Variants in CHRDL2 observed in about 807,000 individuals in gnomAD.
CHRDL2 encodes chordin like 2.
A neutral mutation model predicts 54.3 loss-of-function variants in CHRDL2; 41 were observed. The observed-to-expected ratio is 0.76, with a 90% confidence interval of 0.59 to 0.98. The LOEUF is 0.98. CHRDL2 is among the 50% of genes least tolerant of loss of function. The pLI is 0.00. For synonymous variants in CHRDL2, 220 were observed against 224.3 expected (o/e 0.98, Z 0.17); for missense variants, 518 against 562.4 (o/e 0.92, Z 0.80).
Position 74,708,448 on chromosome 11 carries a change from T to C in CHRDL2, c.433-53A>G, listed in dbSNP as rs375200272. On this transcript the variant is annotated intron_variant, in intron 4 of 10. Coordinates refer to ENST00000376332, the MANE Select transcript of CHRDL2 (RefSeq NM_001278473.3). ...AATGAGCTCTGATAAGGGCTAGCCTTGGGGGCTAGGAACACCCCCTTCCCT... is the reference window on the plus strand; with the variant it reads ...AATGAGCTCTGATAAGGGCTAGCCTCGGGGGCTAGGAACACCCCCTTCCCT... 4.7e-4 allele frequency: 635 copies of C among 1,357,694 alleles called. 1 individual carries two copies. Among genetic ancestry groups the C allele is most frequent in the African/African-American group, 4.1e-3 (274 of 67,596 alleles). The allele number at this position is 1,357,694 out of a possible 1,614,324, so 84.1% of individuals were successfully genotyped here.
rs2034646310 is a variant in CHRDL2, at chr11:74,731,079, GAAGAA to G, written c.-196_-192del. On this transcript the variant is annotated 5_prime_UTR_variant, in exon 1 of 11. Transcript: ENST00000376332. This position sits in a 1 kb window ranked among gnomAD's most constrained non-coding sequence, Gnocchi z 4.4. ...GGGCAGGAAGGGAGGTCTAAGGTGG[GAAGAA>G]GAGAAAGGTGGAAAGAGAACGCGGG... 1 of 588,926 alleles carries G rather than the reference GAAGAA, an allele frequency of 1.7e-6. No homozygotes were observed. Among genetic ancestry groups the G allele is most frequent in the East Asian group, 2.9e-5 (1 of 34,856 alleles). 36.5% of individuals were successfully genotyped at this position (588,926 alleles called of 1,614,324 possible).
intron 1 of CHRDL2, chr11:74,719,055 C>CA (rs1200471529): frequency 1.9e-6 from 1 of 539,574 alleles, no homozygotes; most frequent in African/African-American, 1.9e-5. Context: ...GGGCATGCCA[C>CA]TGTCTCTGAG....
At chr11:74,724,811 C>T (rs754198460) in intron 1 of CHRDL2, among the ~76,000 whole-genome samples, 4 of 152,168 alleles carry the variant, frequency 2.6e-5, no homozygotes, top group Non-Finnish European at 5.9e-5. Context: ...GCTTTGCTTC[C>T]TAACCAAACT....
chr11:74,701,450 T>A (rs1032424046), intron 9 of CHRDL2: 1 of 570,946 alleles, frequency 1.8e-6, no homozygotes, highest in East Asian at 2.8e-5. Flanking sequence ...AGCAGTCCTG[T>A]CCCCCTGAGT....
chr11:74,698,866 G>C (rs2033702306), intron 9 of CHRDL2: 1 of 152,302 alleles, frequency 6.6e-6, no homozygotes, highest in Non-Finnish European at 1.5e-5. Context: ...GGCTGCACCA[G>C]CTGTTACCCA....
chr11:74,724,212 T>C (rs2034539187), intron 1 of CHRDL2, among the ~76,000 whole-genome samples: 1 of 152,238 alleles, frequency 6.6e-6, no homozygotes, highest in Non-Finnish European at 1.5e-5. Flanking sequence ...TCTCAGGCAG[T>C]GGGTGCTAGA....
chr11:74,718,348 G>C (rs997873940), intron 2 of CHRDL2, among the ~76,000 whole-genome samples: 6 of 152,194 alleles, frequency 3.9e-5, no homozygotes, highest in Non-Finnish European at 7.4e-5. Flanking sequence ...CAGGGCCAAA[G>C]TGGCTGGAGG....
Position 74,700,084 on chromosome 11 carries a change from A to G in CHRDL2, c.1120+2710T>C, listed in dbSNP as rs577942227. ...CCTCTGTGGAGGTGGCACTGGGGAC[A>G]GTCAGAGCTGGATTTGAATCTTTGC... On this transcript the variant is annotated intron_variant, in intron 9 of 10. Transcript: ENST00000376332. 3.0e-4 allele frequency among the ~76,000 whole-genome samples: 45 copies of G among 152,398 alleles called. No individual in the cohort carries two copies. The South Asian group carries it at 7.7e-3, about 26-fold the overall frequency.
chr11:74,713,336 G>T, intron 3 of CHRDL2, 50 bp downstream of exon 3: 1 of 1,511,214 alleles, frequency 6.6e-7, no homozygotes, highest in Non-Finnish European at 9.2e-7. Context: ...GGGCTACACT[G>T]GGAGTAGGAG....
intron 5 of CHRDL2, among the ~76,000 whole-genome samples, chr11:74,706,987 G>A (rs535916597): frequency 9.2e-5 from 14 of 152,082 alleles, no homozygotes; most frequent in African/African-American, 1.9e-4. Context: ...GCAGGCCTTG[G>A]TTTACACTCC....
chr11:74,726,693 G>A (rs1319765368), intron 1 of CHRDL2, among the ~76,000 whole-genome samples: 7 of 152,248 alleles, frequency 4.6e-5, no homozygotes, highest in Non-Finnish European at 8.8e-5. Flanking sequence ...TGGAGCAACT[G>A]CGCAGCTGTT....
rs562575106 is a variant in CHRDL2 at position 74,713,310 on chromosome 11, G to T, written c.289+76C>A. Reference sequence around the variant, plus strand: ...AGAGACTGCCCCTCTCCTTGCAGGGGTCTCCCTCAGCTAGAGGGCTACACT... The same window carrying T: ...AGAGACTGCCCCTCTCCTTGCAGGGTTCTCCCTCAGCTAGAGGGCTACACT... On this transcript the variant is annotated intron_variant, in intron 3 of 10. Transcript: ENST00000376332. The T allele has an allele frequency of 1.1e-4, 143 of 1,292,220 alleles. No individual in the cohort carries two copies. In the African/African-American group the frequency reaches 1.8e-3, roughly 17 times the overall value. The allele number at this position is 1,292,220 out of a possible 1,614,324, so 80.0% of individuals were successfully genotyped here.
intron 1 of CHRDL2, among the ~76,000 whole-genome samples, chr11:74,728,549 G>GTTT (rs765480823): frequency 2.1e-5 from 3 of 139,988 alleles, no homozygotes; most frequent in Non-Finnish European, 3.1e-5. Flanking sequence ...TGTTGTTGTT[G>GTTT]TTTTTTAAGA....
intron 5 of CHRDL2, among the ~76,000 whole-genome samples, chr11:74,706,904 G>A (rs111892570): frequency 1.4e-3 from 215 of 152,288 alleles, no homozygotes; most frequent in African/African-American, 4.9e-3. Context: ...TACCATGGAT[G>A]GCCCAAAGGC....
At chr11:74,700,622 TTTA>T (rs1554984202) in intron 9 of CHRDL2, among the ~76,000 whole-genome samples, 61 of 140,314 alleles carry the variant, frequency 4.3e-4, no homozygotes, top group South Asian at 6.7e-4. Flanking sequence ...GAATCTTTTT[TTTA>T]TTATTATTAT....
At chr11:74,703,254 C>G in intron 8 of CHRDL2, 51 bp downstream of exon 8, 1 of 1,532,786 alleles carries the variant, frequency 6.5e-7, no homozygotes, top group Non-Finnish European at 8.8e-7. Flanking sequence ...GGAGAGAGAC[C>G]CAGGGCTCAC....
intron 1 of CHRDL2, 83 bp downstream of exon 1, chr11:74,730,724 T>C (rs571174952): frequency 2.3e-6 from 3 of 1,318,822 alleles, no homozygotes; most frequent in East Asian, 2.5e-5. Flanking sequence ...TCAGAAGAGC[T>C]TGGGGTCCAG....
intron 5 of CHRDL2, 48 bp downstream of exon 5, chr11:74,708,254 T>G: frequency 3.7e-5 from 48 of 1,298,634 alleles, no homozygotes; most frequent in Non-Finnish European, 4.6e-5. Flanking sequence ...GCTAGGCCCA[T>G]GGAGTGGAGG....
intron 3 of CHRDL2, 148 bp downstream of exon 3, chr11:74,713,238 A>G (rs2034249920): frequency 1.6e-6 from 1 of 628,500 alleles, no homozygotes; most frequent in Non-Finnish European, 2.8e-6. Context: ...GGGATCTGGG[A>G]TATTTCCTCC....
Sources: gnomAD v4.1 joint callset for allele counts (sites outside exome capture counted in the v4.1 genomes callset) on GRCh38, gnomAD v4.1.1 for gene constraint, Gnocchi (gnomAD v3.1) non-coding constraint, MANE v1.5 for transcripts, NCBI Gene and HGNC (gene_info 2026-07-23, HGNC 2026-07-21) for gene names.